SORCS1: variants seen among roughly 807,000 people sequenced by gnomAD.
SORCS1 encodes sortilin related VPS10 domain containing receptor 1, also known as VPS10 domain-containing receptor SorCS1.
In SORCS1, 60 loss-of-function variants were observed where a neutral mutation model predicts 146.1. That is an observed-to-expected ratio of 0.41 (90% confidence interval 0.33 to 0.51). SORCS1 has a LOEUF of 0.51. Ranked by LOEUF, SORCS1 falls within the 20% of genes least tolerant of loss-of-function variation. The pLI is 0.21. For synonymous variants in SORCS1, 637 were observed against 584.0 expected (o/e 1.09, Z -1.31); for missense variants, 1,352 against 1,487.6 (o/e 0.91, Z 1.50).
At chr10:106,992,372 G>A (rs1160319539) in intron 1 of SORCS1, among the ~76,000 whole-genome samples, 1 of 152,142 alleles carries the variant, frequency 6.6e-6, no homozygotes, top group Non-Finnish European at 1.5e-5. Context: ...GATCATGACA[G>A]AGTAAAAAAA....
At chr10:106,852,816 T>A (rs2137308872) in intron 2 of SORCS1, among the ~76,000 whole-genome samples, 1 of 152,274 alleles carries the variant, frequency 6.6e-6, no homozygotes, top group South Asian at 2.1e-4. Context: ...TTAAACCAGC[T>A]TTACATATCT....
At chr10:107,010,436 T>TTTG (rs78246968) in intron 1 of SORCS1, among the ~76,000 whole-genome samples, 1 of 151,594 alleles carries the variant, frequency 6.6e-6, no homozygotes, top group Non-Finnish European at 1.5e-5. Context: ...ACTTTATTTT[T>TTTG]TTTGTTTCCG....
At chr10:106,716,935 C>T (rs12268962) in intron 6 of SORCS1, among the ~76,000 whole-genome samples, 1 of 152,004 alleles carries the variant, frequency 6.6e-6, no homozygotes, top group Admixed American at 6.6e-5. Context: ...CAGGAGTTTG[C>T]GACCAGCCTG....
At chr10:106,627,832 A>T (rs1369468586) in intron 19 of SORCS1, among the ~76,000 whole-genome samples, 1 of 152,172 alleles carries the variant, frequency 6.6e-6, no homozygotes, top group African/African-American at 2.4e-5. Flanking sequence ...ACTGACACTG[A>T]CCTTAGTTAT....
intron 18 of SORCS1, among the ~76,000 whole-genome samples, chr10:106,634,743 T>G (rs1425642964): frequency 2.0e-5 from 3 of 152,228 alleles, no homozygotes; most frequent in African/African-American, 7.2e-5. Context: ...AGTAAGACAG[T>G]ATCATGTTTA....
At chr10:107,055,283 C>G (rs550585865) in intron 1 of SORCS1, among the ~76,000 whole-genome samples, 1 of 152,288 alleles carries the variant, frequency 6.6e-6, no homozygotes, top group Admixed American at 6.5e-5. Flanking sequence ...TACTAGTAAT[C>G]TCTCATGTTA....
intron 18 of SORCS1, among the ~76,000 whole-genome samples, chr10:106,632,952 A>T (rs1848521522): frequency 1.3e-5 from 2 of 152,166 alleles, no homozygotes; most frequent in South Asian, 4.1e-4. Context: ...AGGCCAGGGG[A>T]ACAGAGGGAA....
At chr10:106,749,535 A>G (rs1368281483) in intron 5 of SORCS1, among the ~76,000 whole-genome samples, 2 of 152,214 alleles carry the variant, frequency 1.3e-5, no homozygotes, top group Non-Finnish European at 2.9e-5. Flanking sequence ...AAATCACTCC[A>G]TTGAAACTAA....
At chr10:107,150,648 T>C (rs1166151302) in intron 1 of SORCS1, among the ~76,000 whole-genome samples, 3 of 152,228 alleles carry the variant, frequency 2.0e-5, no homozygotes, top group Non-Finnish European at 4.4e-5. Context: ...TCATCTTCAA[T>C]TGTAGTTCAC....
chr10:106,679,336 G>A lies in SORCS1; in HGVS notation c.1664-4C>T. 6.2e-7 allele frequency: 1 copy of A among 1,608,470 alleles called. No homozygotes were observed. The highest frequency in any genetic ancestry group is 8.5e-7 in the Non-Finnish European group (1 of 1,176,222). ...GACAATTCAGAACCTATATTACCTA[G>A]AAAGAGAAAGGTGCCATTAGTGAAA... On this transcript the variant is annotated splice_polypyrimidine_tract_variant and splice_region_variant and intron_variant, in intron 11 of 25. Coordinates refer to ENST00000263054, the MANE Select transcript of SORCS1 (RefSeq NM_052918.5).
chr10:107,166,244 G>A (rs6584799), upstream of SORCS1, among the ~76,000 whole-genome samples: 74,123 of 151,890 alleles, frequency 0.49, 19,277 homozygotes, highest in Middle Eastern at 0.62. Flanking sequence ...TCTGTATACC[G>A]TGTTTGCGAT....
intron 1 of SORCS1, among the ~76,000 whole-genome samples, chr10:107,039,996 G>A (rs753396550): frequency 7.9e-5 from 12 of 152,056 alleles, no homozygotes; most frequent in African/African-American, 1.2e-4. Context: ...AGGAGTTGAC[G>A]CCGCCATGAA....
At chr10:107,150,219 T>C (rs1486716638) in intron 1 of SORCS1, among the ~76,000 whole-genome samples, 1 of 152,218 alleles carries the variant, frequency 6.6e-6, no homozygotes, top group East Asian at 1.9e-4. Flanking sequence ...ACTTCAAACA[T>C]GTTTTAGTAT....
At chr10:107,000,070 A>C (rs1441505593) in intron 1 of SORCS1, among the ~76,000 whole-genome samples, 1 of 152,222 alleles carries the variant, frequency 6.6e-6, no homozygotes, top group African/African-American at 2.4e-5. Context: ...GATAGGGCAG[A>C]AAACTGTACT....
At chr10:106,805,937 G>A (rs1223623188) in intron 3 of SORCS1, among the ~76,000 whole-genome samples, 2 of 151,328 alleles carry the variant, frequency 1.3e-5, no homozygotes, top group African/African-American at 4.9e-5. Context: ...GCAGGTGCCT[G>A]TAGTCCCAGC....
chr10:106,982,255 C>G (rs1317179996), intron 1 of SORCS1, among the ~76,000 whole-genome samples: 7 of 152,178 alleles, frequency 4.6e-5, no homozygotes, highest in Non-Finnish European at 7.3e-5. Context: ...ATGATTTTCA[C>G]TGTGCTGACT....
intron 14 of SORCS1, among the ~76,000 whole-genome samples, chr10:106,673,307 A>ATT (rs1564842981): frequency 6.6e-6 from 1 of 151,584 alleles, no homozygotes; most frequent in African/African-American, 2.4e-5. Flanking sequence ...AATTTTTTCT[A>ATT]TTTTTAGTAG....
intron 1 of SORCS1, among the ~76,000 whole-genome samples, chr10:107,120,332 C>T (rs911241208): frequency 6.6e-6 from 1 of 152,014 alleles, no homozygotes; most frequent in Admixed American, 6.6e-5. Flanking sequence ...TTTGTATTTG[C>T]TGAATGAATA....
intron 1 of SORCS1, among the ~76,000 whole-genome samples, chr10:107,145,898 T>A (rs1178040081): frequency 6.6e-6 from 1 of 152,234 alleles, no homozygotes; most frequent in Non-Finnish European, 1.5e-5. Flanking sequence ...ACTATCATTT[T>A]AGCTCTATTT....
Sources: gnomAD v4.1 joint callset for allele counts (sites outside exome capture counted in the v4.1 genomes callset) on GRCh38, gnomAD v4.1.1 for gene constraint, MANE v1.5 for transcripts, NCBI Gene and HGNC (gene_info 2026-07-23, HGNC 2026-07-21) for gene names.